Variants in FLG2 observed in about 807,000 individuals in gnomAD.
FLG2 encodes the protein filaggrin-2.
A neutral mutation model predicts 3.9 loss-of-function variants in FLG2; 7 were observed. The observed-to-expected ratio is 1.79, with a 90% CI of 1.02 to 3.36. The LOEUF is 3.36. Ranked by LOEUF, FLG2 falls within the 30% of genes most tolerant of loss-of-function variation. The pLI is 0.00. For synonymous variants in FLG2, 1,031 were observed against 1,056.1 expected (o/e 0.98, Z 0.46); for missense variants, 2,700 against 2,809.4 (o/e 0.96, Z 0.88).
rs574526442 is a variant in FLG2 at position 152,355,389 on chromosome 1, T to G, written c.2397A>C (p.Ser799=). The change falls in exon 3 of 3, where the codon TCA becomes TCC. Residue 799 remains serine (S), a synonymous_variant. Transcript: ENST00000388718. ...RQTSGFGQHG[S]GSSQSTGFGQ... ...CAAAGCCAGTGGATTGACTTGAGCCTGACCCATGTTGTCCAAAGCCAGATG... is the reference window on the plus strand; with the variant it reads ...CAAAGCCAGTGGATTGACTTGAGCCGGACCCATGTTGTCCAAAGCCAGATG... The G allele has an allele frequency of 6.2e-7, 1 of 1,613,008 alleles. No individual in the cohort carries two copies. Among genetic ancestry groups the G allele is most frequent in the Non-Finnish European group, 8.5e-7 (1 of 1,179,806 alleles).
rs572830166 is a variant in FLG2, at chr1:152,356,171, G to A, written c.1615C>T (p.Arg539Cys). Reference sequence around the variant, plus strand: ...CCATGTTGGCCATAGCTAGACTGACGTGATCTAGACTCATGTTGTCCAAAA... The same window carrying A: ...CCATGTTGGCCATAGCTAGACTGACATGATCTAGACTCATGTTGTCCAAAA... ...SGFGQHESRS[R>C]QSSYGQHGSG... The change falls in exon 3 of 3, where the codon CGT becomes TGT. Residue 539 changes from arginine to cysteine, a missense_variant. Transcript: ENST00000388718. 77 of 1,611,940 alleles carry A rather than the reference G, an allele frequency of 4.8e-5. No homozygotes were observed. The highest frequency in any genetic ancestry group is 1.3e-4 in the Admixed American group (8 of 59,828).
At position 152,352,548 on chromosome 1, in the gene FLG2, T is replaced by G. The variant is rs747505339; in HGVS notation, c.5238A>C (p.Gly1746=). ...GAGATCTGGCTTGGCCATGAGTGTG[T>G]CCTGAATGTGTATGTGAGACTCCTG... ...GYSGVSHTHS[G]HTHGQARSQH... is the part of the protein sequence containing the mutation. Residue 1746 remains glycine (G), a synonymous_variant, in exon 3 of 3, where the codon GGA becomes GGC. Coordinates refer to ENST00000388718, the MANE Select transcript of FLG2 (RefSeq NM_001014342.3). 1 of 1,613,688 alleles carries G rather than the reference T, an allele frequency of 6.2e-7. No homozygotes were observed. The highest frequency in any genetic ancestry group is 1.1e-5 in the South Asian group (1 of 91,040).
chr1:152,355,849 C>G lies in FLG2; in HGVS notation c.1937G>C (p.Gly646Ala). Reference sequence around the variant, plus strand: ...GCCAGTGGATTGACTTGAGCCTGACCCATGTTGTCCAAAGCCAGATGTCTG... The same window carrying G: ...GCCAGTGGATTGACTTGAGCCTGACGCATGTTGTCCAAAGCCAGATGTCTG... Reference protein sequence around the residue: ...SRQTSGFGQHGSGSSQSTGFG... With the variant: ...SRQTSGFGQHASGSSQSTGFG... The change falls in exon 3 of 3, where the codon GGG becomes GCG. Residue 646 changes from glycine to alanine, a missense_variant. Transcript: ENST00000388718. 1.2e-6 allele frequency: 2 copies of G among 1,611,744 alleles called. No individual in the cohort carries two copies. The highest frequency in any genetic ancestry group is 1.7e-6 in the Non-Finnish European group (2 of 1,179,632).
Position 152,353,729 on chromosome 1 carries a change from T to C in FLG2, c.4057A>G (p.Ser1353Gly). 6.2e-7 allele frequency: 1 copy of C among 1,614,206 alleles called. No individual in the cohort carries two copies. The highest frequency in any genetic ancestry group is 2.2e-5 in the East Asian group (1 of 44,872). Residue 1353 changes from serine (S) to glycine (G), a missense_variant, in exon 3 of 3, where the codon AGT (serine) becomes GGT (glycine). By Grantham distance (56) the Ser-to-Gly change is moderately conservative (BLOSUM62 0). Transcript: ENST00000388718. ...QRFSHSDATD[S>G]EVHSGVSHRP... Reference sequence around the variant, plus strand: ...TGTGAGACCCCTGAGTGCACTTCACTGTCAGTGGCATCACTGTGGCTAAAT... The same window carrying C: ...TGTGAGACCCCTGAGTGCACTTCACCGTCAGTGGCATCACTGTGGCTAAAT...
chr1:152,351,437 C>A lies in FLG2; in HGVS notation c.6349G>T (p.Val2117Phe), dbSNP rs371952347. The change falls in exon 3 of 3, where the codon GTC (valine) becomes TTC (phenylalanine). Residue 2117 changes from valine to phenylalanine, a missense_variant. Val to Phe is a conservative substitution (Grantham distance 50, BLOSUM62 -1). Transcript: ENST00000388718. ...ESSDSEVHSG[V>F]SHTHSGHTYG... The stretch of plus-strand genomic sequence containing the variant: ...GTGTGTCCTGAATGTGTGTGTGAGA[C>A]CCCTGAGTGCACTTCACTGTCACTG... The A allele has an allele frequency of 3.0e-5, 48 of 1,613,028 alleles. No homozygotes were observed. Among genetic ancestry groups the A allele is most frequent in the Admixed American group, 1.7e-4 (10 of 59,838 alleles).
In FLG2 at chr1:152,350,746, C is replaced by T; in HGVS notation, c.7040G>A (p.Gly2347Asp). 1 of 1,614,200 alleles carries T rather than the reference C, an allele frequency of 6.2e-7. No homozygotes were observed. Among genetic ancestry groups the T allele is most frequent in the Non-Finnish European group, 8.5e-7 (1 of 1,180,040 alleles). ...GTCATATTCTGCAGGTCCATAGCTGCCATGTTTCCAAACCTGACTTGATCC... is the reference window on the plus strand; with the variant it reads ...GTCATATTCTGCAGGTCCATAGCTGTCATGTTTCCAAACCTGACTTGATCC... ...RHGSSQVWKHGSYGPAEYDYG... is the reference protein window; with the variant it reads ...RHGSSQVWKHDSYGPAEYDYG... Residue 2347 changes from glycine (G) to aspartate (D), a missense_variant, in exon 3 of 3, where the codon GGC (glycine) becomes GAC (aspartate). By Grantham distance (94) the Gly-to-Asp change is moderately conservative. Coordinates refer to ENST00000388718, the MANE Select transcript of FLG2 (RefSeq NM_001014342.3).
chr1:152,357,707 C>T lies in FLG2; in HGVS notation c.139-60G>A, dbSNP rs962377049. On this transcript the variant is annotated intron_variant, in intron 2 of 2. Transcript: ENST00000388718. ...CAGCCTAACCTGCATACTCAACTAA[C>T]ACATTTAAATAGCGCTGTGAAATTA... 2.3e-4 allele frequency: 276 copies of T among 1,193,482 alleles called. 5 individuals are homozygous for T. In the South Asian group the frequency reaches 3.7e-3, roughly 16 times the overall value. The allele number at this position is 1,193,482 out of a possible 1,614,324, so 73.9% of individuals were successfully genotyped here.
Position 152,356,177 on chromosome 1 carries a change from T to G in FLG2, c.1609A>C (p.Arg537=). ...TGGCCATAGCTAGACTGACGTGATCTAGACTCATGTTGTCCAAAACCAGAG... is the reference window on the plus strand; with the variant it reads ...TGGCCATAGCTAGACTGACGTGATCGAGACTCATGTTGTCCAAAACCAGAG... The part of the protein sequence containing the change: ...QSSGFGQHES[R]SRQSSYGQHG... Residue 537 remains arginine (R), a synonymous_variant, in exon 3 of 3, where the codon AGA becomes CGA. Transcript: ENST00000388718. 1 of 1,613,924 alleles carries G rather than the reference T, an allele frequency of 6.2e-7. No homozygotes were observed. The highest frequency in any genetic ancestry group is 1.3e-5 in the African/African-American group (1 of 74,944).
Position 152,357,662 on chromosome 1 carries a change from C to T in FLG2, c.139-15G>A. 1 of 1,597,122 alleles carries T rather than the reference C, an allele frequency of 6.3e-7. No individual in the cohort carries two copies. The highest frequency in any genetic ancestry group is 8.6e-7 in the Non-Finnish European group (1 of 1,169,474). ...TCATCTGGGTTCTGTATATGAGTGA[C>T]ACACCAAGGGAGACCTGGTCAGCCT... On this transcript the variant is annotated splice_polypyrimidine_tract_variant and intron_variant, in intron 2 of 2. Coordinates refer to ENST00000388718, the MANE Select transcript of FLG2 (RefSeq NM_001014342.3).
Position 152,357,332 on chromosome 1 carries a change from T to G in FLG2, c.454A>C (p.Lys152Gln), listed in dbSNP as rs1267713018. 7 of 1,614,186 alleles carry G rather than the reference T, an allele frequency of 4.3e-6. No individual in the cohort carries two copies. The highest frequency in any genetic ancestry group is 5.9e-6 in the Non-Finnish European group (7 of 1,180,040). ...YSSGHSRGTV[K>Q]CRHGSNSRRL... ...CTGGAGTTGGACCCATGTCTACATT[T>G]CACAGTTCCCCTTGAGTGCCCAGAA... Residue 152 changes from lysine (K) to glutamine (Q), a missense_variant, in exon 3 of 3, where the codon AAA becomes CAA. Coordinates refer to ENST00000388718, the MANE Select transcript of FLG2 (RefSeq NM_001014342.3).
Position 152,356,049 on chromosome 1 carries a change from G to T in FLG2, c.1737C>A (p.Gly579=), listed in dbSNP as rs1654216682. 6.2e-7 allele frequency: 1 copy of T among 1,613,732 alleles called. No homozygotes were observed. ...CTGAGCCCGATCCATATTGGCCAAA[G>T]CCAGTGGATTGACCTGAGCCCAACC... is the stretch of plus-strand genomic sequence containing the variant. ...QHGLGSGQST[G]FGQYGSGSGQ... The change falls in exon 3 of 3, where the codon GGC becomes GGA. Residue 579 remains glycine (G), a synonymous_variant. Transcript: ENST00000388718.
chr1:152,350,177 CTATTG>C lies in FLG2; in HGVS notation c.*428_*432del, dbSNP rs1653854440. ...TGTTGCTGGCTAGATCCATGTATACCTATTGTATTGAACTCTAACTTCCCATGCCT... is the reference window on the plus strand; with the variant it reads ...TGTTGCTGGCTAGATCCATGTATACCTATTGAACTCTAACTTCCCATGCCT... On this transcript the variant is annotated 3_prime_UTR_variant, in exon 3 of 3. Coordinates refer to ENST00000388718, the MANE Select transcript of FLG2 (RefSeq NM_001014342.3). The C allele has an allele frequency of 5.2e-6, 1 of 191,496 alleles. No individual in the cohort carries two copies. 11.9% of individuals were successfully genotyped at this position (191,496 alleles called of 1,614,324 possible). A position where few individuals can be genotyped will look rare whatever the true frequency, so the allele number is the denominator to read the frequency against.
chr1:152,354,248 CA>C lies in FLG2; in HGVS notation c.3537del (p.Phe1179LeufsTer48). The C allele has an allele frequency of 6.2e-7, 1 of 1,613,844 alleles. No homozygotes were observed. The highest frequency in any genetic ancestry group is 1.1e-5 in the South Asian group (1 of 90,982). Reference protein sequence around the residue: ...HESGSGPTTSFGQHVSGSDNF... With the variant: ...HESGSGPTTSXGQHVSGSDNF... Reference sequence around the variant, plus strand: ...TTGTCTGAGCCAGACACATGCTGTCCAAAACTTGTGGTTGGACCTGAGCCAG... The same window carrying C: ...TTGTCTGAGCCAGACACATGCTGTCCAAACTTGTGGTTGGACCTGAGCCAG... On this transcript the variant is annotated frameshift_variant, in exon 3 of 3. Coordinates refer to ENST00000388718, the MANE Select transcript of FLG2 (RefSeq NM_001014342.3). LOFTEE classifies it low-confidence loss of function (END_TRUNC).
Position 152,353,581 on chromosome 1 carries a change from C to G in FLG2, c.4205G>C (p.Gly1402Ala), listed in dbSNP as rs771837564. ...TGTGGACTGTCCATGACCAGAGTGG[C>G]CATGTCCAGTGGCCTCTCCTGTCTG... ...YGQTGEATGH[G>A]HSGHGQSTQR... is the part of the protein sequence containing the mutation. Residue 1402 changes from glycine (G) to alanine (A), a missense_variant, in exon 3 of 3, where the codon GGC (glycine) becomes GCC (alanine). Coordinates refer to ENST00000388718, the MANE Select transcript of FLG2 (RefSeq NM_001014342.3). The G allele has an allele frequency of 1.2e-6, 2 of 1,612,858 alleles. No individual in the cohort carries two copies. The highest frequency in any genetic ancestry group is 2.2e-5 in the East Asian group (1 of 44,784).
Position 152,354,294 on chromosome 1 carries a change from A to G in FLG2, c.3492T>C (p.Ser1164=), listed in dbSNP as rs1479835982. Residue 1164 remains serine (S), a synonymous_variant, in exon 3 of 3, where the codon TCT becomes TCC. Coordinates refer to ENST00000388718, the MANE Select transcript of FLG2 (RefSeq NM_001014342.3). ...GQHGTGSSQS[S]GCGQHESGSG... ...AGCCAGACTCATGTTGGCCACAGCC[A>G]GATGATTGACTGGAGCCAGTACCAT... 5.6e-6 allele frequency: 9 copies of G among 1,614,214 alleles called. No individual in the cohort carries two copies. Among genetic ancestry groups the G allele is most frequent in the Non-Finnish European group, 7.6e-6 (9 of 1,180,016 alleles).
In FLG2 at chr1:152,353,033, G is replaced by A. The variant is rs1216342994; in HGVS notation, c.4753C>T (p.His1585Tyr). 3 of 1,613,176 alleles carry A rather than the reference G, an allele frequency of 1.9e-6. No individual in the cohort carries two copies. The highest frequency in any genetic ancestry group is 1.1e-5 in the South Asian group (1 of 91,030). The part of the protein sequence containing the change: ...SHSESTDSEV[H>Y]SGGSHRPHSR... ...TGTGGTCTGTGTGAGCCCCCTGAGT[G>A]CACTTCACTGTCAGTGGACTCACTG... is the stretch of plus-strand genomic sequence containing the variant. The change falls in exon 3 of 3, where the codon CAC becomes TAC. Residue 1585 changes from histidine (H) to tyrosine (Y), a missense_variant. His to Tyr is a moderately conservative substitution (Grantham distance 83). Transcript: ENST00000388718.
At position 152,351,245 on chromosome 1, in the gene FLG2, T is replaced by A. The variant is rs1653904926; in HGVS notation, c.6541A>T (p.Ser2181Cys). Reference protein sequence around the residue: ...RTTGRQRSSHSESSDSEVHSE... With the variant: ...RTTGRQRSSHCESSDSEVHSE... ...TGCACTTCACTATCACTGGACTCAC[T>A]GTGACTAGATCTTTGTCTTCCAGTT... is the stretch of plus-strand genomic sequence containing the variant. Residue 2181 changes from serine (S) to cysteine (C), a missense_variant, in exon 3 of 3, where the codon AGT becomes TGT. Ser to Cys is a moderately radical substitution (Grantham distance 112, BLOSUM62 -1). Transcript: ENST00000388718. 1.2e-6 allele frequency: 2 copies of A among 1,613,440 alleles called. No individual in the cohort carries two copies. The highest frequency in any genetic ancestry group is 1.7e-6 in the Non-Finnish European group (2 of 1,179,864).
Position 152,355,740 on chromosome 1 carries a change from T to C in FLG2, c.2046A>G (p.Gly682=), listed in dbSNP as rs1240100360. 6.2e-7 allele frequency: 1 copy of C among 1,613,764 alleles called. No homozygotes were observed. The highest frequency in any genetic ancestry group is 1.1e-5 in the South Asian group (1 of 91,070). The change falls in exon 3 of 3, where the codon GGA becomes GGG. Residue 682 remains glycine, a synonymous_variant. Transcript: ENST00000388718. ...AATGACCTGATCTAGACTCATGTTGTCCAAAACCAGAGGATTGTCCTGAGC... is the reference window on the plus strand; with the variant it reads ...AATGACCTGATCTAGACTCATGTTGCCCAAAACCAGAGGATTGTCCTGAGC... ...VSGSGQSSGF[G]QHESRSGHSS...
Position 152,353,222 on chromosome 1 carries a change from G to C in FLG2, c.4564C>G (p.His1522Asp). 1 of 1,567,354 alleles carries C rather than the reference G, an allele frequency of 6.4e-7. No individual in the cohort carries two copies. Among genetic ancestry groups the C allele is most frequent in the East Asian group, 2.5e-5 (1 of 40,480 alleles). Reference sequence around the variant, plus strand: ...CCATGTTGAGATCCACTTTGGCCGTGAGTGTGTCCTGAATGTGTGTGCGAG... The same window carrying C: ...CCATGTTGAGATCCACTTTGGCCGTCAGTGTGTCCTGAATGTGTGTGCGAG... The part of the protein sequence containing the change: ...GGSHTHSGHT[H>D]GQSGSQHGES... Residue 1522 changes from histidine (H) to aspartate (D), a missense_variant, in exon 3 of 3, where the codon CAC (histidine) becomes GAC (aspartate). Transcript: ENST00000388718.
Sources: gnomAD v4.1 joint callset for allele counts on GRCh38, gnomAD v4.1.1 for gene constraint, MANE v1.5 for transcripts, NCBI Gene and HGNC (gene_info 2026-07-23, HGNC 2026-07-21) for gene names.